The following NEIL3 variants were observed in gnomAD, a reference collection of about 807,000 sequenced individuals.
NEIL3 encodes the protein nei like DNA glycosylase 3, also known as endonuclease 8-like 3.
NEIL3 carries 48 observed loss-of-function variants against 57.5 expected under a neutral mutation model. That is an observed-to-expected ratio of 0.83 (90% confidence interval 0.66 to 1.06). The LOEUF (loss-of-function observed/expected upper bound fraction) is 1.06, where lower values mean the gene tolerates loss of function less well. Ranked by LOEUF, NEIL3 falls within the 50% of genes least tolerant of loss-of-function variation. The pLI, the probability that NEIL3 is intolerant of heterozygous loss-of-function variation, is 0.00. For missense variants in NEIL3, 717 were observed against 739.1 expected (o/e 0.97, Z 0.35); for synonymous variants, 261 against 253.2 (o/e 1.03, Z -0.29).
chr4:177,347,793 G>A (rs1333177476), intron 6 of NEIL3, among the ~76,000 whole-genome samples: 2 of 152,144 alleles, frequency 1.3e-5, no homozygotes, highest in South Asian at 2.1e-4. Context: ...TGACTACAAC[G>A]TTAGGTCCTA....
chr4:177,349,870 A>C (rs1735315517), intron 6 of NEIL3, among the ~76,000 whole-genome samples: 1 of 152,238 alleles, frequency 6.6e-6, no homozygotes, highest in African/African-American at 2.4e-5. Context: ...AAGTTGGAGC[A>C]CATGGAAAAT....
chr4:177,353,533 C>T lies in NEIL3; in HGVS notation c.1265C>T (p.Ala422Val). The T allele has an allele frequency of 3.7e-6, 6 of 1,613,116 alleles. No homozygotes were observed. The highest frequency in any genetic ancestry group is 5.1e-6 in the Non-Finnish European group (6 of 1,179,318). ...LDEEFQNSPP[A>V]SVCLNDIQHP... ...GAGGAGTTTCAAAACTCTCCTCCTGCTAGTGTTTGTTTGAATGATATACAG... is the reference window on the plus strand; with the variant it reads ...GAGGAGTTTCAAAACTCTCCTCCTGTTAGTGTTTGTTTGAATGATATACAG... Residue 422 changes from alanine to valine, a missense_variant, in exon 8 of 10, where the codon GCT (alanine) becomes GTT (valine). By Grantham distance (64) the Ala-to-Val change is moderately conservative. Transcript: ENST00000264596.
chr4:177,370,038 A>G, the NEIL3 span, among the ~76,000 whole-genome samples: 35,543 of 152,130 alleles, frequency 0.23, 5,075 homozygotes, highest in East Asian at 0.7. Context: ...GGGATTAAGG[A>G]TGGAAGGAAC....
rs757030519 is a variant in NEIL3, at chr4:177,353,587, T to C, written c.1319T>C (p.Ile440Thr). The change falls in exon 8 of 10, where the codon ATA becomes ACA. Residue 440 changes from isoleucine (I) to threonine (T), a missense_variant. By Grantham distance (89) the Ile-to-Thr change is moderately conservative. Coordinates refer to ENST00000264596, the MANE Select transcript of NEIL3 (RefSeq NM_018248.3). ...CCCTCCAAGAAGACAACAAACGATA[T>C]AACTCAACCATCCAGCAAAGTAAAC... ...QHPSKKTTND[I>T]TQPSSKVNIS... 1.1e-5 allele frequency: 17 copies of C among 1,613,216 alleles called. No individual in the cohort carries two copies. Among genetic ancestry groups the C allele is most frequent in the Admixed American group, 1.7e-5 (1 of 59,980 alleles).
At chr4:177,311,900 T>C (rs1560905479) in intron 1 of NEIL3, among the ~76,000 whole-genome samples, 1 of 152,066 alleles carries the variant, frequency 6.6e-6, no homozygotes, top group Non-Finnish European at 1.5e-5. Context: ...GGATATGACA[T>C]GAATATACTT....
Position 177,336,090 on chromosome 4 carries a change from T to C in NEIL3, c.414-18T>C, listed in dbSNP as rs752886406. On this transcript the variant is annotated intron_variant, in intron 3 of 9. Transcript: ENST00000264596. ...TAACCAGACTTATGATTAATGTGTTTTATATTCCTTTCTATAGAAACTCAA... is the reference window on the plus strand; with the variant it reads ...TAACCAGACTTATGATTAATGTGTTCTATATTCCTTTCTATAGAAACTCAA... The C allele has an allele frequency of 6.4e-7, 1 of 1,572,368 alleles. No individual in the cohort carries two copies. Among genetic ancestry groups the C allele is most frequent in the South Asian group, 1.1e-5 (1 of 89,790 alleles).
chr4:177,318,140 C>G (rs1045627306), intron 1 of NEIL3, among the ~76,000 whole-genome samples: 1 of 152,148 alleles, frequency 6.6e-6, no homozygotes, highest in Non-Finnish European at 1.5e-5. Flanking sequence ...CTTATAGGCT[C>G]ATTTACCACA....
In NEIL3 at chr4:177,353,616, T is replaced by C. The variant is rs781310562; in HGVS notation, c.1348T>C (p.Ser450Pro). The change falls in exon 8 of 10, where the codon TCA becomes CCA. Residue 450 changes from serine (S) to proline (P), a missense_variant. By Grantham distance (74) the Ser-to-Pro change is moderately conservative. Coordinates refer to ENST00000264596, the MANE Select transcript of NEIL3 (RefSeq NM_018248.3). ...TCAACCATCCAGCAAAGTAAACATA[T>C]CACCTACAATCAGTTCAGAATCTAA... Reference protein sequence around the residue: ...ITQPSSKVNISPTISSESKLF... With the variant: ...ITQPSSKVNIPPTISSESKLF... The C allele has an allele frequency of 6.2e-7, 1 of 1,613,404 alleles. No homozygotes were observed. The highest frequency in any genetic ancestry group is 1.3e-5 in the African/African-American group (1 of 74,940).
At chr4:177,363,094 G>A (rs17064732), downstream of NEIL3, among the ~76,000 whole-genome samples, 3,254 of 152,240 alleles carry the variant, frequency 0.021, 115 homozygotes, top group African/African-American at 0.073. Context: ...AAGAACTTGC[G>A]TGTAGGCGTT....
chr4:177,360,768 C>T, intron 9 of NEIL3, 91 bp downstream of exon 9: 1 of 1,005,740 alleles, frequency 9.9e-7, no homozygotes, highest in Non-Finnish European at 1.4e-6. Context: ...CTAGTTTTAC[C>T]TTTTACCTTT....
rs541961087 is a variant in NEIL3 at position 177,340,205 on chromosome 4, C to T, written c.702+348C>T. Reference sequence around the variant, plus strand: ...TTCAGATAACCTTAGTTCCATCAGGCTTTGCCACTGACTATAGACCTTGGT... The same window carrying T: ...TTCAGATAACCTTAGTTCCATCAGGTTTTGCCACTGACTATAGACCTTGGT... On this transcript the variant is annotated intron_variant, in intron 5 of 9. Transcript: ENST00000264596. Among the ~76,000 whole-genome samples, 8 of 152,282 alleles carry T rather than the reference C, an allele frequency of 5.3e-5. No individual in the cohort carries two copies. The South Asian group carries it at 1.5e-3, about 28-fold the overall frequency.
intron 1 of NEIL3, among the ~76,000 whole-genome samples, chr4:177,319,220 A>G (rs1227140298): frequency 6.6e-6 from 1 of 152,170 alleles, no homozygotes. Flanking sequence ...TCTCTTTGCT[A>G]GTAGCCATTA....
intron 2 of NEIL3, among the ~76,000 whole-genome samples, chr4:177,328,425 A>G (rs1410718175): frequency 6.6e-6 from 1 of 152,208 alleles, no homozygotes; most frequent in Non-Finnish European, 1.5e-5. Flanking sequence ...ACCAAAGATG[A>G]AGAGAAAGTG....
chr4:177,335,625 A>G, intron 2 of NEIL3, 63 bp from the exon 3 acceptor site: 2 of 1,507,462 alleles, frequency 1.3e-6, no homozygotes, highest in Non-Finnish European at 1.8e-6. Flanking sequence ...ATGATAGTAC[A>G]GGAAAAAAGC....
intron 2 of NEIL3, among the ~76,000 whole-genome samples, chr4:177,331,735 T>C (rs1447627222): frequency 2.0e-5 from 3 of 152,190 alleles, no homozygotes. Flanking sequence ...CTAAATAATA[T>C]TTAAGCTCAG....
chr4:177,325,832 T>A (rs564398903), intron 2 of NEIL3, among the ~76,000 whole-genome samples: 102 of 152,276 alleles, frequency 6.7e-4, no homozygotes, highest in Admixed American at 6.3e-3. Flanking sequence ...ATATGCATAT[T>A]TCCTGTTTGT....
At chr4:177,344,008 A>T (rs576994615) in intron 6 of NEIL3, among the ~76,000 whole-genome samples, 77 of 152,194 alleles carry the variant, frequency 5.1e-4, no homozygotes, top group Non-Finnish European at 1.0e-3. Flanking sequence ...GAGATTAAAA[A>T]ATTATAAATA....
intron 2 of NEIL3, among the ~76,000 whole-genome samples, chr4:177,326,929 C>T (rs1734791424): frequency 6.6e-6 from 1 of 152,110 alleles, no homozygotes; most frequent in Non-Finnish European, 1.5e-5. Context: ...TGTGTTCCCA[C>T]CCAGATTTCA....
intron 6 of NEIL3, among the ~76,000 whole-genome samples, chr4:177,349,154 T>C (rs1735299354): frequency 6.6e-6 from 1 of 151,438 alleles, no homozygotes; most frequent in Non-Finnish European, 1.5e-5. Flanking sequence ...AGTGCTGGGA[T>C]TACAGGCGTG....
Sources: gnomAD v4.1 joint callset for allele counts (sites outside exome capture counted in the v4.1 genomes callset) on GRCh38, gnomAD v4.1.1 for gene constraint, MANE v1.5 for transcripts, NCBI Gene and HGNC (gene_info 2026-07-23, HGNC 2026-07-21) for gene names.